Variants in NBEAL1 observed in about 807,000 individuals in gnomAD.
The protein encoded by NBEAL1 is neurobeachin-like protein 1.
In NBEAL1, 273 loss-of-function variants were observed where a neutral mutation model predicts 351.3. That is an observed-to-expected ratio of 0.78 (90% CI 0.70 to 0.86). The LOEUF (loss-of-function observed/expected upper bound fraction) is 0.86. Ranked by LOEUF, NBEAL1 falls within the 40% of genes least tolerant of loss-of-function variation. The pLI is 0.00. For synonymous variants in NBEAL1, 1,050 were observed against 1,086.4 expected (o/e 0.97, Z 0.66); for missense variants, 2,961 against 3,201.3 (o/e 0.92, Z 1.81).
chr2:203,157,618 C>T, intron 35 of NBEAL1, 81 bp from the exon 36 acceptor site: 1 of 1,050,026 alleles, frequency 9.5e-7, no homozygotes, highest in Non-Finnish European at 1.3e-6. Context: ...GTCAGGAACA[C>T]AATTAGCAGT....
intron 17 of NBEAL1, among the ~76,000 whole-genome samples, chr2:203,114,025 T>C (rs548778713): frequency 1.3e-5 from 2 of 152,148 alleles, no homozygotes; most frequent in African/African-American, 4.8e-5. Context: ...GGTTTAACGG[T>C]GTTAGCCAGG....
chr2:203,138,298 A>C lies in NBEAL1; in HGVS notation c.4702A>C (p.Asn1568His), dbSNP rs2063273257. ...FLQSEGLVNS[N>H]MWTEKLLEDM... ...TCAGTCAGAGGGACTAGTTAATTCA[A>C]ACATGTGGACCGAGAAGGTGCAGTA... Residue 1568 changes from asparagine to histidine, a missense_variant, in exon 30 of 56, where the codon AAC becomes CAC. Transcript: ENST00000683969. 1 of 1,613,124 alleles carries C rather than the reference A, an allele frequency of 6.2e-7. No homozygotes were observed. Among genetic ancestry groups the C allele is most frequent in the African/African-American group, 1.3e-5 (1 of 74,894 alleles).
chr2:203,119,781 C>A (rs570870100), intron 18 of NBEAL1, among the ~76,000 whole-genome samples: 2 of 152,178 alleles, frequency 1.3e-5, no homozygotes, highest in East Asian at 3.9e-4. Flanking sequence ...TAAAATTCTG[C>A]TATAAAGGAA....
At chr2:203,210,055 C>T (rs1481221123) in intron 53 of NBEAL1, among the ~76,000 whole-genome samples, 1 of 152,052 alleles carries the variant, frequency 6.6e-6, no homozygotes, top group Non-Finnish European at 1.5e-5. Context: ...CCAGCCTAAG[C>T]TTTTTCAATA....
Position 203,076,498 on chromosome 2 carries a change from A to C in NBEAL1, c.599-1254A>C, listed in dbSNP as rs554871762. Among the ~76,000 whole-genome samples, 36 of 151,622 alleles carry C rather than the reference A, an allele frequency of 2.4e-4. 1 individual carries two copies. Among genetic ancestry groups the C allele is most frequent in the African/African-American group, 8.7e-4 (36 of 41,464 alleles). On this transcript the variant is annotated intron_variant, in intron 7 of 55. Coordinates refer to ENST00000683969, the MANE Select transcript of NBEAL1 (RefSeq NM_001378026.1). ...TCTCAAAAACAAACAAACAAACAAA[A>C]AAAAAAGTAGAAAGATGTAGTAATG...
chr2:203,159,001 C>T (rs75597944), intron 36 of NBEAL1, among the ~76,000 whole-genome samples: 5,309 of 151,414 alleles, frequency 0.035, 299 homozygotes, highest in African/African-American at 0.12. Context: ...AATTTTTTTA[C>T]GGAGACAGGG....
At position 203,025,270 on chromosome 2, in the gene NBEAL1, C is replaced by T. The variant is rs13384822; in HGVS notation, c.51+8835C>T. Among the ~76,000 whole-genome samples the T allele has an allele frequency of 5.4e-3, 827 of 152,214 alleles. 15 individuals carry two copies. Among genetic ancestry groups the T allele is most frequent in the African/African-American group, 0.019 (774 of 41,544 alleles). On this transcript the variant is annotated intron_variant, in intron 2 of 55. Transcript: ENST00000683969. ...TGAAATCGAGTAGCAATACTAGTCG[C>T]GAGGTAGTTTTCCCTAATATGCTTA...
chr2:203,188,437 C>G, intron 44 of NBEAL1, 35 bp from the exon 45 acceptor site: 1 of 1,135,394 alleles, frequency 8.8e-7, no homozygotes, highest in Non-Finnish European at 1.2e-6. Context: ...TGGAAGATAT[C>G]TCTATATTAA....
At chr2:203,097,519 C>G (rs999514205) in intron 10 of NBEAL1, 28 bp from the exon 11 acceptor site, 2 of 908,330 alleles carry the variant, frequency 2.2e-6, no homozygotes. Context: ...TGTTCTTTCT[C>G]CATTATTCTT....
chr2:203,164,425 T>A (rs1054944849), intron 36 of NBEAL1, among the ~76,000 whole-genome samples: 13 of 152,064 alleles, frequency 8.5e-5, no homozygotes, highest in Non-Finnish European at 1.5e-4. Flanking sequence ...CAGTTGGCTT[T>A]GTAATTGGGA....
At chr2:203,131,145 A>AT (rs2063062098) in intron 25 of NBEAL1, among the ~76,000 whole-genome samples, 1 of 152,230 alleles carries the variant, frequency 6.6e-6, no homozygotes, top group African/African-American at 2.4e-5. Flanking sequence ...TTGCCATGTA[A>AT]TTAAACTAGA....
intron 11 of NBEAL1, among the ~76,000 whole-genome samples, chr2:203,098,679 A>C (rs943437682): frequency 1.3e-5 from 2 of 152,188 alleles, no homozygotes; most frequent in African/African-American, 4.8e-5. Context: ...AGACAAAATT[A>C]GGCTAGTTTT....
intron 10 of NBEAL1, among the ~76,000 whole-genome samples, chr2:203,093,580 G>A (rs146788533): frequency 7.9e-4 from 120 of 152,314 alleles, no homozygotes; most frequent in African/African-American, 2.4e-3. Context: ...GCTGGGCATG[G>A]TGGTGGCTCA....
intron 2 of NBEAL1, among the ~76,000 whole-genome samples, chr2:203,024,288 T>TGGTTCACACCTGTAATCCCA (rs2060818930): frequency 6.6e-6 from 1 of 151,812 alleles, no homozygotes; most frequent in Non-Finnish European, 1.5e-5. Flanking sequence ...CCGCATCTGG[T>TGGTTCACACCTGTAATCCCA]GGTTCACACC....
chr2:203,170,975 C>T (rs1015369344), intron 39 of NBEAL1, among the ~76,000 whole-genome samples: 1 of 152,086 alleles, frequency 6.6e-6, no homozygotes, highest in Non-Finnish European at 1.5e-5. Context: ...TCCTAAAATT[C>T]GAAATTTTAG....
Position 203,126,547 on chromosome 2 carries a change from T to C in NBEAL1, c.2986-10T>C. 4.2e-6 allele frequency: 6 copies of C among 1,438,724 alleles called. No homozygotes were observed. The highest frequency in any genetic ancestry group is 5.5e-6 in the Non-Finnish European group (6 of 1,096,326). 89.1% of individuals were successfully genotyped at this position (1,438,724 alleles called of 1,614,324 possible). On this transcript the variant is annotated splice_polypyrimidine_tract_variant and intron_variant, in intron 21 of 55. Transcript: ENST00000683969. The stretch of plus-strand genomic sequence containing the variant: ...TGAACTATATGAAACCCTCTTCTGT[T>C]TGGTTTCAGGTGCCAAGCACCTTGA...
At chr2:203,154,985 C>T (rs1433208104) in intron 35 of NBEAL1, among the ~76,000 whole-genome samples, 1 of 144,312 alleles carries the variant, frequency 6.9e-6, no homozygotes, top group African/African-American at 2.6e-5. Flanking sequence ...GTGGCTCATA[C>T]CTGTAATCCC....
At chr2:203,167,500 T>A (rs528725681) in intron 38 of NBEAL1, 140 bp downstream of exon 38, 3 of 861,138 alleles carry the variant, frequency 3.5e-6, no homozygotes, top group African/African-American at 1.7e-5. Context: ...TGGGGGCTAA[T>A]CAGTGTATGA....
At chr2:203,192,516 C>T (rs1239984423) in intron 46 of NBEAL1, among the ~76,000 whole-genome samples, 1 of 151,792 alleles carries the variant, frequency 6.6e-6, no homozygotes, top group South Asian at 2.1e-4. Flanking sequence ...TCCCAAGTAG[C>T]TGGGATTACA....
Sources: gnomAD v4.1 joint callset for allele counts (sites outside exome capture counted in the v4.1 genomes callset) on GRCh38, gnomAD v4.1.1 for gene constraint, MANE v1.5 for transcripts, NCBI Gene and HGNC (gene_info 2026-07-23, HGNC 2026-07-21) for gene names.